SOX6: variants seen among roughly 807,000 people sequenced by gnomAD.
The protein encoded by SOX6 is transcription factor SOX-6.
A neutral mutation model predicts 97.8 loss-of-function variants in SOX6; 11 were observed. The observed-to-expected ratio is 0.11, with a 90% CI of 0.07 to 0.19. The LOEUF is 0.19. Ranked by LOEUF, SOX6 falls within the 10% of genes least tolerant of loss-of-function variation. SOX6 has a pLI of 1.00. For missense variants in SOX6, 810 were observed against 1,039.5 expected, an observed-to-expected ratio of 0.78 and a Z score of 3.04; for synonymous variants, 360 against 371.4, an observed-to-expected ratio of 0.97 and a Z score of 0.35.
chr11:16,478,128 C>T (rs559588704), upstream of SOX6, among the ~76,000 whole-genome samples: 4 of 152,292 alleles, frequency 2.6e-5, no homozygotes, highest in African/African-American at 9.6e-5. Context: ...AGAAGTTACC[C>T]ACAAAATAAA....
At chr11:16,732,088 G>C (rs1296146539) in intron 2 of SOX6, among the ~76,000 whole-genome samples, 2 of 152,192 alleles carry the variant, frequency 1.3e-5, no homozygotes, top group Non-Finnish European at 2.9e-5. Flanking sequence ...GGAAATAAGA[G>C]AGGACACAAA....
intron 12 of SOX6, among the ~76,000 whole-genome samples, chr11:16,024,104 G>C (rs1159260190): frequency 1.3e-5 from 2 of 152,058 alleles, no homozygotes; most frequent in African/African-American, 4.8e-5. Context: ...TATACGAAGG[G>C]TACATCTGGA....
At chr11:16,343,153 T>C (rs1670890460) in intron 1 of SOX6, among the ~76,000 whole-genome samples, 1 of 151,902 alleles carries the variant, frequency 6.6e-6, no homozygotes, top group Non-Finnish European at 1.5e-5. Context: ...GCCCCATAAC[T>C]ACTATTAGTA....
rs563181324 is a variant in SOX6 at position 16,401,732 on chromosome 11, G to A, written c.-4-60480C>T. Among the ~76,000 whole-genome samples the A allele has an allele frequency of 7.3e-5, 11 of 151,388 alleles. No individual in the cohort carries two copies. The South Asian group carries it at 1.0e-3, about 14-fold the overall frequency. The stretch of plus-strand genomic sequence containing the variant: ...TATCTATAATAAATCAAAGGAACAC[G>A]GCTTCTCAAAAGAATAAAGGATACA... On this transcript the variant is annotated intron_variant, in intron 1 of 15. Coordinates refer to the SOX6 transcript ENST00000396356.
intron 9 of SOX6, among the ~76,000 whole-genome samples, chr11:16,087,072 G>A (rs1250236242): frequency 1.3e-5 from 2 of 152,038 alleles, no homozygotes; most frequent in Non-Finnish European, 2.9e-5. Flanking sequence ...GTCCTATTTT[G>A]TTTACTAGAA....
rs7130934 is a variant in SOX6 at position 16,165,232 on chromosome 11, C to T, written c.777+18654G>A. ...CTAAAATACTTAATCTATGATCAGTCAACAAAGCTCATTAAAATTTTACTA... is the reference window on the plus strand; with the variant it reads ...CTAAAATACTTAATCTATGATCAGTTAACAAAGCTCATTAAAATTTTACTA... On this transcript the variant is annotated intron_variant, in intron 6 of 15. Transcript: ENST00000683767. Among the ~76,000 whole-genome samples, 1,320 of 152,204 alleles carry T rather than the reference C, an allele frequency of 8.7e-3. 16 individuals carry two copies. Among genetic ancestry groups the T allele is most frequent in the South Asian group, 0.028 (136 of 4,814 alleles).
intron 3 of SOX6, among the ~76,000 whole-genome samples, chr11:16,294,401 C>T (rs1052489742): frequency 6.6e-6 from 1 of 152,030 alleles, no homozygotes; most frequent in African/African-American, 2.4e-5. Flanking sequence ...AATTGGACAT[C>T]GTTATTTTAT....
chr11:16,677,017 G>T (rs1023399923), intron 3 of SOX6, among the ~76,000 whole-genome samples: 1 of 151,824 alleles, frequency 6.6e-6, no homozygotes, highest in African/African-American at 2.4e-5. Flanking sequence ...CAGCTTTTTG[G>T]TTACTCTATT....
At chr11:16,148,075 A>C (rs1189208449) in intron 6 of SOX6, among the ~76,000 whole-genome samples, 1 of 152,180 alleles carries the variant, frequency 6.6e-6, no homozygotes, top group Non-Finnish European at 1.5e-5. Context: ...AGCCATTGAA[A>C]TGTAGTTGTG....
intron 3 of SOX6, among the ~76,000 whole-genome samples, chr11:16,262,333 T>C (rs564828700): frequency 1.5e-4 from 23 of 151,090 alleles, no homozygotes; most frequent in Admixed American, 4.6e-4. Flanking sequence ...TAGGAACATA[T>C]AGTAAAATAT....
intron 4 of SOX6, chr11:16,567,334 T>C (rs910308184): frequency 6.6e-6 from 1 of 152,358 alleles, no homozygotes; most frequent in African/African-American, 2.4e-5. Flanking sequence ...AACCAGCTCA[T>C]CCCTAGAGGA....
At chr11:16,324,733 A>C (rs1160404598) in intron 2 of SOX6, among the ~76,000 whole-genome samples, 1 of 152,198 alleles carries the variant, frequency 6.6e-6, no homozygotes, top group East Asian at 1.9e-4. Flanking sequence ...GTATGTATAC[A>C]CAATGGAATA....
intron 4 of SOX6, among the ~76,000 whole-genome samples, chr11:16,559,837 G>T (rs1259616513): frequency 6.6e-6 from 1 of 152,082 alleles, no homozygotes; most frequent in Non-Finnish European, 1.5e-5. Context: ...AGGGCCTAAG[G>T]AATGCGGCAA....
At chr11:16,151,370 G>A (rs983313148) in intron 6 of SOX6, among the ~76,000 whole-genome samples, 6 of 152,112 alleles carry the variant, frequency 3.9e-5, no homozygotes, top group African/African-American at 9.7e-5. Flanking sequence ...CAGCTGCTGA[G>A]TAATACTTTG....
chr11:16,317,897 G>GATCT, intron 3 of SOX6: 6 of 445,410 alleles, frequency 1.3e-5, no homozygotes, highest in South Asian at 9.7e-5. Context: ...CTCTTGTACA[G>GATCT]AGTAGAGAAG....
intron 6 of SOX6, among the ~76,000 whole-genome samples, chr11:16,164,061 A>C (rs1475877584): frequency 1.3e-5 from 2 of 152,132 alleles, no homozygotes. Context: ...ATTTTGGCTC[A>C]CTGCAGCTTC....
chr11:16,718,771 C>T (rs1848237239), intron 2 of SOX6, among the ~76,000 whole-genome samples: 1 of 151,824 alleles, frequency 6.6e-6, no homozygotes, highest in Non-Finnish European at 1.5e-5. Context: ...GAAAATATTA[C>T]TCTTCATTTT....
chr11:16,272,700 G>A (rs1294604758), intron 3 of SOX6, among the ~76,000 whole-genome samples: 1 of 151,706 alleles, frequency 6.6e-6, no homozygotes, highest in African/African-American at 2.4e-5. Context: ...GATGAAAAAT[G>A]ACTTTTAATG....
At chr11:16,598,992 T>C (rs1226948594) in intron 4 of SOX6, among the ~76,000 whole-genome samples, 4 of 152,160 alleles carry the variant, frequency 2.6e-5, no homozygotes, top group Non-Finnish European at 5.9e-5. Flanking sequence ...AATGTTTGTA[T>C]ACACTGTAAT....
Sources: gnomAD v4.1 joint callset for allele counts (sites outside exome capture counted in the v4.1 genomes callset) on GRCh38, gnomAD v4.1.1 for gene constraint, MANE v1.5 for transcripts, NCBI Gene and HGNC (gene_info 2026-07-23, HGNC 2026-07-21) for gene names.